The following LYST variants were observed in gnomAD, a reference collection of about 807,000 sequenced individuals.
The protein encoded by LYST is lysosomal-trafficking regulator.
LYST carries 192 observed loss-of-function variants against 413.6 expected under a neutral mutation model. The ratio of observed to expected loss-of-function variants is 0.46; its 90% CI spans 0.41 to 0.52. The LOEUF (loss-of-function observed/expected upper bound fraction) is 0.52. LYST is among the 20% of genes least tolerant of loss of function. The pLI is 0.00. For synonymous variants in LYST, 1,525 were observed against 1,567.3 expected, an observed-to-expected ratio of 0.97 and a Z score of 0.64; for missense variants, 3,815 against 4,499.9, an observed-to-expected ratio of 0.85 and a Z score of 4.35.
chr1:235,738,571 G>A (rs1485863496), intron 31 of LYST: 5 of 1,610,632 alleles, frequency 3.1e-6, no homozygotes, highest in Non-Finnish European at 4.2e-6. Flanking sequence ...TGAGTCCTTG[G>A]GGAACATGGA....
rs115274599 is a variant in LYST at position 235,877,205 on chromosome 1, C to T, written n.454+5982G>A. On this transcript the variant is annotated intron_variant and non_coding_transcript_variant, in intron 1 of 11. Transcript: ENST00000465349. ...GTACCAGAGAAAAGAGAATGGCTGG[C>T]CCTGTCCCGCTATCAAGAGGGGCCA... 7.8e-3 allele frequency among the ~76,000 whole-genome samples: 1,190 copies of T among 152,270 alleles called. 21 individuals carry two copies. Among genetic ancestry groups the T allele is most frequent in the African/African-American group, 0.027 (1,106 of 41,534 alleles).
intron 12 of LYST, among the ~76,000 whole-genome samples, chr1:235,790,945 T>C (rs1455049170): frequency 1.3e-5 from 2 of 152,090 alleles, no homozygotes; most frequent in African/African-American, 4.8e-5. Context: ...AGAAAGAAGT[T>C]TGCGACCAGC....
intron 19 of LYST, among the ~76,000 whole-genome samples, chr1:235,773,400 C>G (rs1668910520): frequency 6.6e-6 from 1 of 151,624 alleles, no homozygotes; most frequent in African/African-American, 2.4e-5. Context: ...TGGAAACAAT[C>G]CAAGTGTCTC....
intron 50 of LYST, among the ~76,000 whole-genome samples, chr1:235,672,390 C>T (rs1482972886): frequency 2.6e-5 from 4 of 152,174 alleles, no homozygotes; most frequent in African/African-American, 9.6e-5. Flanking sequence ...GAGGAACCAG[C>T]AAAAGACTGA....
intron 14 of LYST, among the ~76,000 whole-genome samples, chr1:235,782,676 AT>A: frequency 6.6e-6 from 1 of 152,236 alleles, no homozygotes; most frequent in East Asian, 1.9e-4. Flanking sequence ...TGACTTCTGT[AT>A]ATGCACCTTC....
rs2103001639 is a variant in LYST, at chr1:235,661,563, A to C, written c.*1377T>G. 1 of 152,584 alleles carries C rather than the reference A, an allele frequency of 6.6e-6. No homozygotes were observed. The highest frequency in any genetic ancestry group is 2.1e-4 in the South Asian group (1 of 4,820). The allele number at this position is 152,584 out of a possible 1,614,324, so 9.5% of individuals were successfully genotyped here. ...ATACATGGCCACGTGCTTTCTCTCG[A>C]ATCTATCTTGACAGCAGAGACTTTG... On this transcript the variant is annotated 3_prime_UTR_variant, in exon 53 of 53. Transcript: ENST00000389793.
At chr1:235,787,792 C>A (rs1670586328) in intron 13 of LYST, among the ~76,000 whole-genome samples, 1 of 152,062 alleles carries the variant, frequency 6.6e-6, no homozygotes, top group Non-Finnish European at 1.5e-5. Flanking sequence ...AGATAATGTA[C>A]ATAAGGCACC....
chr1:235,783,932 T>G (rs1467028297), intron 14 of LYST, among the ~76,000 whole-genome samples: 1 of 151,966 alleles, frequency 6.6e-6, no homozygotes. Flanking sequence ...CAGGCTGAAG[T>G]GCAGGGGTGC....
chr1:235,757,818 A>G (rs1558198152), intron 23 of LYST, among the ~76,000 whole-genome samples: 2 of 152,174 alleles, frequency 1.3e-5, no homozygotes, highest in Non-Finnish European at 1.5e-5. Context: ...GACAGCATGA[A>G]TAAAACATGT....
chr1:235,774,663 C>T (rs922056291), intron 18 of LYST, among the ~76,000 whole-genome samples: 3 of 151,890 alleles, frequency 2.0e-5, no homozygotes, highest in South Asian at 2.1e-4. Flanking sequence ...TATGGCCCAC[C>T]CAGGTCTAAA....
chr1:235,759,360 T>TGAATGC lies in LYST; in HGVS notation c.6487_6492dup (p.Ala2163_Phe2164dup). 1 of 1,614,210 alleles carries TGAATGC rather than the reference T, an allele frequency of 6.2e-7. No individual in the cohort carries two copies. Among genetic ancestry groups the TGAATGC allele is most frequent in the Admixed American group, 1.7e-5 (1 of 60,002 alleles). On this transcript the variant is annotated inframe_insertion, in exon 23 of 53. Coordinates refer to ENST00000389793, the MANE Select transcript of LYST (RefSeq NM_000081.4). ...GTTTTTGCAGACTCACAGCTACTGA[T>TGAATGC]GAATGCGTCCTCTTTGCCTTTTTTC...
intron 27 of LYST, 50 bp downstream of exon 27, chr1:235,751,955 T>C: frequency 7.9e-7 from 1 of 1,267,930 alleles, no homozygotes; most frequent in Non-Finnish European, 1.1e-6. Flanking sequence ...AAATAACAGG[T>C]TTGTCTGTTA....
rs375106444 is a variant in LYST at position 235,830,308 on chromosome 1, G to A, written c.110C>T (p.Thr37Met). The A allele has an allele frequency of 4.4e-5, 71 of 1,613,724 alleles. No individual in the cohort carries two copies. Among genetic ancestry groups the A allele is most frequent in the Non-Finnish European group, 5.3e-5 (62 of 1,179,834 alleles). The change falls in exon 3 of 53, where the codon ACG becomes ATG. Residue 37 changes from threonine to methionine, a missense_variant. Thr to Met is a moderately conservative substitution (Grantham distance 81). Transcript: ENST00000389793. ...VEAREEEEEETHMATLGQYLV... is the reference protein window; with the variant it reads ...VEAREEEEEEMHMATLGQYLV... ...GTACTGTCCAAGGGTTGCCATGTGC[G>A]TCTCCTCCTCTTCTTCCTCCCTGGC...
At chr1:235,797,568 C>G (rs573241612) in intron 10 of LYST, among the ~76,000 whole-genome samples, 1 of 151,958 alleles carries the variant, frequency 6.6e-6, no homozygotes, top group Non-Finnish European at 1.5e-5. Context: ...GATATTCACA[C>G]GCAAAATAAT....
Position 235,860,642 on chromosome 1 carries a change from C to T in LYST, c.-98+6201G>A, listed in dbSNP as rs141695062. Reference sequence around the variant, plus strand: ...ACTTAGTGATATGCACTAAAGATTTCTTCATGTCTTTTCATGGTCAAGCCA... The same window carrying T: ...ACTTAGTGATATGCACTAAAGATTTTTTCATGTCTTTTCATGGTCAAGCCA... On this transcript the variant is annotated intron_variant, in intron 1 of 52. Coordinates refer to ENST00000389793, the MANE Select transcript of LYST (RefSeq NM_000081.4). Among the ~76,000 whole-genome samples the T allele has an allele frequency of 5.2e-3, 788 of 152,268 alleles. 1 individual carries two copies. Among genetic ancestry groups the T allele is most frequent in the Non-Finnish European group, 8.6e-3 (584 of 68,018 alleles).
At chr1:235,790,782 A>T (rs1485027247) in intron 12 of LYST, among the ~76,000 whole-genome samples, 2 of 152,242 alleles carry the variant, frequency 1.3e-5, no homozygotes, top group African/African-American at 4.8e-5. Context: ...AAGATGCAGT[A>T]TAATAGCAAT....
chr1:235,835,998 T>G (rs1676531767), intron 1 of LYST, among the ~76,000 whole-genome samples: 1 of 152,252 alleles, frequency 6.6e-6, no homozygotes, highest in Non-Finnish European at 1.5e-5. Context: ...ATTCGTAGAA[T>G]TTTTATATCC....
intron 49 of LYST, 53 bp from the exon 50 acceptor site, chr1:235,677,241 C>A (rs1659451356): frequency 7.4e-7 from 1 of 1,358,124 alleles, no homozygotes; most frequent in Non-Finnish European, 1.1e-6. Context: ...TAATTACATT[C>A]TCTTATTTTG....
chr1:235,834,991 T>C (rs1676409361), intron 1 of LYST, among the ~76,000 whole-genome samples: 1 of 151,992 alleles, frequency 6.6e-6, no homozygotes, highest in African/African-American at 2.4e-5. Context: ...CTCGGGTCAC[T>C]GCAACAACCT....
Sources: allele counts gnomAD v4.1 joint callset (sites outside exome capture counted in the v4.1 genomes callset), GRCh38; gene constraint gnomAD v4.1.1; transcripts MANE v1.5; gene names NCBI Gene and HGNC (gene_info 2026-07-23, HGNC 2026-07-21).